The following VCF2 variants were observed in gnomAD, a reference collection of about 807,000 sequenced individuals.
VCF2 encodes protein VCF2.
At chrX:55,145,483 A>G in the VCF2 span, 5 of 752,378 alleles carry the variant, frequency 6.6e-6, no homozygotes, top group South Asian at 2.0e-4. Context: ...AGAGATTTTC[A>G]TGTTCATAGT....
At chrX:55,153,147 C>T in the VCF2 span, among the ~76,000 whole-genome samples, 1 of 111,489 alleles carries the variant, frequency 9.0e-6, no homozygotes, top group Non-Finnish European at 1.9e-5. Context: ...TAAAAGCAAG[C>T]TATACCCCGA....
chrX:55,153,207 C>T, the VCF2 span, among the ~76,000 whole-genome samples: 3 of 111,938 alleles, frequency 2.7e-5, no homozygotes, highest in African/African-American at 6.5e-5. Context: ...GTCACAGGTG[C>T]GTGCTTAATC....
the VCF2 span, among the ~76,000 whole-genome samples, chrX:55,156,387 T>A: frequency 8.9e-6 from 1 of 112,239 alleles, no homozygotes; most frequent in South Asian, 3.7e-4. Context: ...AATAATAATA[T>A]GATGCTTATT....
At chrX:55,151,950 G>C in the VCF2 span, among the ~76,000 whole-genome samples, 1 of 95,373 alleles carries the variant, frequency 1.0e-5, no homozygotes, top group African/African-American at 3.9e-5. Context: ...GGAGTGCAGT[G>C]GCGGGATCTC....
At chrX:55,153,281 T>C in the VCF2 span, among the ~76,000 whole-genome samples, 8 of 112,023 alleles carry the variant, frequency 7.1e-5, no homozygotes, top group Admixed American at 9.4e-5. Flanking sequence ...ATATACAGAG[T>C]TGGGACTTTA....
chrX:55,148,930 T>C, the VCF2 span, among the ~76,000 whole-genome samples: 1 of 112,121 alleles, frequency 8.9e-6, no homozygotes, highest in Non-Finnish European at 1.9e-5. Flanking sequence ...CCTCAGGTTC[T>C]AACTGTTTGT....
chrX:55,161,125 C>T, the VCF2 span: 1 of 1,208,762 alleles, frequency 8.3e-7, no homozygotes, highest in Non-Finnish European at 1.1e-6. Flanking sequence ...GGAAAGGCCC[C>T]GACGAACTTA....
chrX:55,153,848 A>C, the VCF2 span, among the ~76,000 whole-genome samples: 4 of 111,992 alleles, frequency 3.6e-5, no homozygotes, highest in African/African-American at 1.3e-4. Context: ...AGATTTTGGG[A>C]AGAGGGTTTA....
At chrX:55,157,394 A>G in the VCF2 span, among the ~76,000 whole-genome samples, 25 of 111,483 alleles carry the variant, frequency 2.2e-4, no homozygotes, top group Admixed American at 2.0e-3. Context: ...CTAGCCGGCC[A>G]TGGTGGTGCA....
the VCF2 span, chrX:55,146,377 G>A: frequency 9.9e-7 from 1 of 1,007,095 alleles, no homozygotes. Context: ...TACTTGGCTT[G>A]GAGAATAGCA....
chrX:55,151,632 A>G, the VCF2 span, among the ~76,000 whole-genome samples: 1 of 112,224 alleles, frequency 8.9e-6, no homozygotes, highest in African/African-American at 3.2e-5. Flanking sequence ...AATTTGTCCT[A>G]TGATTTGTCT....
the VCF2 span, among the ~76,000 whole-genome samples, chrX:55,151,249 ATTACT>A: frequency 5.8e-4 from 65 of 112,683 alleles, no homozygotes; most frequent in Admixed American, 5.0e-3. Context: ...ATCCAAACAG[ATTACT>A]TTAAGTAATC....
chrX:55,152,127 G>A, the VCF2 span, among the ~76,000 whole-genome samples: 1 of 109,573 alleles, frequency 9.1e-6, no homozygotes, highest in African/African-American at 3.3e-5. Flanking sequence ...TCCTGACCTC[G>A]TGATCCGCCC....
the VCF2 span, among the ~76,000 whole-genome samples, chrX:55,153,755 A>G: frequency 1.8e-5 from 2 of 111,942 alleles, no homozygotes; most frequent in African/African-American, 6.5e-5. Context: ...CTACTACAAA[A>G]CCAAGTAAAA....
At chrX:55,159,999 A>G in the VCF2 span, among the ~76,000 whole-genome samples, 2 of 111,731 alleles carry the variant, frequency 1.8e-5, no homozygotes, top group South Asian at 7.4e-4. Context: ...TTATAATTTC[A>G]TTACTCTTTA....
At chrX:55,159,484 C>A in the VCF2 span, among the ~76,000 whole-genome samples, 1 of 112,030 alleles carries the variant, frequency 8.9e-6, no homozygotes, top group South Asian at 3.7e-4. Flanking sequence ...CTTAAATGAT[C>A]CTTGAAAATA....
At chrX:55,159,291 T>C in the VCF2 span, 2 of 945,533 alleles carry the variant, frequency 2.1e-6, no homozygotes, top group Non-Finnish European at 3.0e-6. Flanking sequence ...GATGCTTAAA[T>C]TGTAAAGCCG....
the VCF2 span, chrX:55,143,511 G>T: frequency 5.2e-6 from 1 of 193,640 alleles, no homozygotes; most frequent in Non-Finnish European, 9.6e-6. Context: ...AGGACACAGG[G>T]AAGCTTACAA....
the VCF2 span, among the ~76,000 whole-genome samples, chrX:55,151,963 C>T: frequency 1.1e-5 from 1 of 92,496 alleles, no homozygotes; most frequent in Non-Finnish European, 2.1e-5. Context: ...GGGATCTCGG[C>T]TCACTGCAAG....
Sources: allele counts gnomAD v4.1 joint callset (sites outside exome capture counted in the v4.1 genomes callset), GRCh38; gene constraint gnomAD v4.1.1; transcripts MANE v1.5; gene names NCBI Gene and HGNC (gene_info 2026-07-23, HGNC 2026-07-21).